Variants in MAP3K2 observed in about 807,000 individuals in gnomAD.
The protein encoded by MAP3K2 is MAP/ERK kinase kinase 2.
Under a neutral mutation model 80.3 loss-of-function variants are expected in MAP3K2, and 24 were observed. The observed-to-expected ratio is 0.30, with a 90% CI of 0.22 to 0.42. The LOEUF is 0.42. Ranked by LOEUF, MAP3K2 falls within the 10% of genes least tolerant of loss-of-function variation. MAP3K2 has a pLI of 1.00. For synonymous variants in MAP3K2, 244 were observed against 253.7 expected, an observed-to-expected ratio of 0.96 and a Z score of 0.36; for missense variants, 608 against 750.1, an observed-to-expected ratio of 0.81 and a Z score of 2.21.
intron 1 of MAP3K2, among the ~76,000 whole-genome samples, chr2:127,372,369 T>C (rs1360023358): frequency 6.6e-6 from 1 of 152,192 alleles, no homozygotes; most frequent in Non-Finnish European, 1.5e-5. Context: ...TGGAATCAAT[T>C]AATCACTAAC....
At chr2:127,365,899 T>C (rs1000332198) in intron 1 of MAP3K2, among the ~76,000 whole-genome samples, 3 of 152,210 alleles carry the variant, frequency 2.0e-5, no homozygotes, top group East Asian at 1.9e-4. Flanking sequence ...AATATCATAG[T>C]AGCTCTGTTT....
At chr2:127,360,724 A>T (rs903840377) in intron 1 of MAP3K2, among the ~76,000 whole-genome samples, 24 of 152,326 alleles carry the variant, frequency 1.6e-4, no homozygotes, top group Admixed American at 3.9e-4. Context: ...TTTGATTTTT[A>T]AAAAATATAT....
chr2:127,331,904 C>G (rs902392133), intron 5 of MAP3K2, among the ~76,000 whole-genome samples: 1 of 152,022 alleles, frequency 6.6e-6, no homozygotes, highest in African/African-American at 2.4e-5. Flanking sequence ...CCATGCCCAG[C>G]CAAAAAAGTC....
intron 10 of MAP3K2, 45 bp from the exon 11 acceptor site, chr2:127,324,039 G>A: frequency 2.7e-6 from 3 of 1,107,392 alleles, no homozygotes; most frequent in Non-Finnish European, 3.8e-6. Flanking sequence ...AAAAAAAAAA[G>A]TTAAATATTT....
chr2:127,353,315 C>T (rs908182742), intron 1 of MAP3K2, among the ~76,000 whole-genome samples: 2 of 152,050 alleles, frequency 1.3e-5, no homozygotes, highest in East Asian at 1.9e-4. Context: ...CCCGCCGCCC[C>T]GTCTGGGATG....
Position 127,314,825 on chromosome 2 carries a change from T to C in MAP3K2, c.1385A>G (p.Lys462Arg), listed in dbSNP as rs766325929. 3.7e-6 allele frequency: 6 copies of C among 1,609,126 alleles called. No individual in the cohort carries two copies. The South Asian group carries it at 4.4e-5, about 12-fold the overall frequency. ...YGALTENVTRKYTRQILEGVH... is the reference protein window; with the variant it reads ...YGALTENVTRRYTRQILEGVH... ...ACCCTCCAGAATCTGACGGGTGTAT[T>C]TCCTAGTCACATTCTCAGTAAGAGC... Residue 462 changes from lysine (K) to arginine (R), a missense_variant, in exon 15 of 17, where the codon AAA becomes AGA. Lys to Arg is a conservative substitution (Grantham distance 26, BLOSUM62 2). Coordinates refer to ENST00000682094, the MANE Select transcript of MAP3K2 (RefSeq NM_001371910.2).
At chr2:127,313,327 TC>T (rs1431511983) in intron 15 of MAP3K2, among the ~76,000 whole-genome samples, 1 of 152,204 alleles carries the variant, frequency 6.6e-6, no homozygotes, top group African/African-American at 2.4e-5. Context: ...TCTATGAGGT[TC>T]TTCAAGCTAT....
At chr2:127,319,781 G>A (rs1312612903) in intron 12 of MAP3K2, among the ~76,000 whole-genome samples, 1 of 151,650 alleles carries the variant, frequency 6.6e-6, no homozygotes, top group Admixed American at 6.6e-5. Flanking sequence ...GGAGGTTGCG[G>A]TGAGCTGAGA....
chr2:127,325,269 C>G (rs1489188237), intron 9 of MAP3K2, among the ~76,000 whole-genome samples: 1 of 152,152 alleles, frequency 6.6e-6, no homozygotes. Context: ...TGCAAAAATT[C>G]ATCTGCCGTC....
Position 127,335,861 on chromosome 2 carries a change from C to T in MAP3K2, c.264+9G>A, listed in dbSNP as rs1332782336. ...TAAGATCTACTAAAGTTAAACTGTA[C>T]ATGTTTACCTCGTTATTGGTATAAT... On this transcript the variant is annotated intron_variant, in intron 5 of 16. Coordinates refer to ENST00000682094, the MANE Select transcript of MAP3K2 (RefSeq NM_001371910.2). 2.0e-6 allele frequency: 3 copies of T among 1,469,802 alleles called. No individual in the cohort carries two copies. Among genetic ancestry groups the T allele is most frequent in the African/African-American group, 1.4e-5 (1 of 71,976 alleles). 91.0% of individuals were successfully genotyped at this position (1,469,802 alleles called of 1,614,324 possible). A position where few individuals can be genotyped will look rare whatever the true frequency, so the allele number is the denominator to read the frequency against.
At chr2:127,314,195 T>G (rs1685857084) in intron 15 of MAP3K2, among the ~76,000 whole-genome samples, 1 of 152,182 alleles carries the variant, frequency 6.6e-6, no homozygotes, top group South Asian at 2.1e-4. Flanking sequence ...TTGACATAGT[T>G]GGGGTTCATC....
chr2:127,376,738 A>T (rs978036245), intron 1 of MAP3K2, among the ~76,000 whole-genome samples: 7 of 152,222 alleles, frequency 4.6e-5, no homozygotes, highest in Admixed American at 1.3e-4. Context: ...TTTTGTTCAC[A>T]GCCTACTCAG....
chr2:127,312,286 A>G (rs1055460795), intron 15 of MAP3K2, among the ~76,000 whole-genome samples: 10 of 152,348 alleles, frequency 6.6e-5, no homozygotes, highest in Admixed American at 5.9e-4. Flanking sequence ...CAAAGGCAGA[A>G]GAGCAACTAG....
At chr2:127,337,163 C>T (rs1686389646) in intron 4 of MAP3K2, among the ~76,000 whole-genome samples, 1 of 151,888 alleles carries the variant, frequency 6.6e-6, no homozygotes, top group Admixed American at 6.6e-5. Context: ...ATTCTATCGG[C>T]CTTAATTCCT....
At chr2:127,370,124 G>GGGCGCA (rs980756421) in intron 1 of MAP3K2, among the ~76,000 whole-genome samples, 10 of 151,384 alleles carry the variant, frequency 6.6e-5, no homozygotes, top group African/African-American at 2.4e-4. Flanking sequence ...GGGTGGGGGT[G>GGGCGCA]GGCGCAGCAC....
At chr2:127,380,041 C>T (rs1364720807) in intron 1 of MAP3K2, among the ~76,000 whole-genome samples, 1 of 152,092 alleles carries the variant, frequency 6.6e-6, no homozygotes, top group Non-Finnish European at 1.5e-5. Flanking sequence ...AAAAAAGAAA[C>T]AAAGGAAACT....
chr2:127,307,557 G>C lies in MAP3K2; in HGVS notation c.*22C>G. On this transcript the variant is annotated 3_prime_UTR_variant, in exon 17 of 17. Transcript: ENST00000682094. The surrounding 1 kb of genome is among the most constrained non-coding windows in gnomAD (Gnocchi z 5.4). Reference sequence around the variant, plus strand: ...ATGAATAGATGGGAGCTAGGTAGAGGCACAGGAGAGGTTACTGGCTGCTAG... The same window carrying C: ...ATGAATAGATGGGAGCTAGGTAGAGCCACAGGAGAGGTTACTGGCTGCTAG... 6 of 1,498,042 alleles carry C rather than the reference G, an allele frequency of 4.0e-6. No individual in the cohort carries two copies. The highest frequency in any genetic ancestry group is 5.5e-6 in the Non-Finnish European group (6 of 1,098,586). The allele number at this position is 1,498,042 out of a possible 1,614,324, so 92.8% of individuals were successfully genotyped here.
In MAP3K2 at chr2:127,354,127, C is replaced by T. The variant is rs201570167; in HGVS notation, c.-65-10933G>A. ...CTGTGGAAGGCCGCAGGGTCCTCTG[C>T]CTAGGAAAACCAGAGACCTTTGTTC... On this transcript the variant is annotated intron_variant, in intron 1 of 16. Transcript: ENST00000682094. Among the ~76,000 whole-genome samples, 22 of 151,718 alleles carry T rather than the reference C, an allele frequency of 1.5e-4. No homozygotes were observed. In the East Asian group the frequency reaches 3.5e-3, roughly 24 times the overall value.
Position 127,322,542 on chromosome 2 carries a change from A to C in MAP3K2, c.839-290T>G, listed in dbSNP as rs376650552. Among the ~76,000 whole-genome samples, 100 of 152,322 alleles carry C rather than the reference A, an allele frequency of 6.6e-4. No homozygotes were observed. Among genetic ancestry groups the C allele is most frequent in the African/African-American group, 2.3e-3 (96 of 41,582 alleles). On this transcript the variant is annotated intron_variant, in intron 11 of 16. Transcript: ENST00000682094. The surrounding 1 kb of genome is among the most constrained non-coding windows in gnomAD (Gnocchi z 4.2). ...AGGAAAAAAATTTACTCTCATTTCC[A>C]ATAATGATTTTAAAATCTAAAACAA...
Sources: gnomAD v4.1 joint callset for allele counts (sites outside exome capture counted in the v4.1 genomes callset) on GRCh38, gnomAD v4.1.1 for gene constraint, Gnocchi (gnomAD v3.1) non-coding constraint, MANE v1.5 for transcripts, NCBI Gene and HGNC (gene_info 2026-07-23, HGNC 2026-07-21) for gene names.